SRGAP1: variants seen among roughly 807,000 people sequenced by gnomAD.
The protein encoded by SRGAP1 is SLIT-ROBO Rho GTPase-activating protein 1.
In SRGAP1, 43 loss-of-function variants were observed where a neutral mutation model predicts 121.9. The observed-to-expected ratio is 0.35, with a 90% CI of 0.28 to 0.46. The LOEUF is 0.46. SRGAP1 is among the 20% of genes least tolerant of loss of function. SRGAP1 has a pLI of 1.00. For synonymous variants in SRGAP1, 447 were observed against 485.4 expected (o/e 0.92, Z 1.04); for missense variants, 1,102 against 1,350.9 (o/e 0.82, Z 2.89).
chr12:64,142,432 G>A lies in SRGAP1; in HGVS notation c.3018G>A (p.Thr1006=), dbSNP rs138568906. 2.9e-5 allele frequency: 46 copies of A among 1,614,004 alleles called. No homozygotes were observed. In the East Asian group the frequency reaches 6.0e-4, roughly 21 times the overall value. The change falls in exon 22 of 22, where the codon ACG becomes ACA. Residue 1006 remains threonine, a synonymous_variant. Coordinates refer to ENST00000355086, the MANE Select transcript of SRGAP1 (RefSeq NM_020762.4). ...ACTCTCCCACCCCTGCCACTTCCAC[G>A]GAATCTCTCAGCCCTTTGCACAACG... is the stretch of plus-strand genomic sequence containing the variant. ...VKNSPTPATS[T]ESLSPLHNVA...
At chr12:64,081,515 A>G (rs2035840542) in intron 10 of SRGAP1, 1 of 152,164 alleles carries the variant, frequency 6.6e-6, no homozygotes, top group Non-Finnish European at 1.5e-5. Context: ...GTGTCATTAA[A>G]AAATAAAATA....
chr12:64,048,344 A>G (rs1445803383), intron 6 of SRGAP1, among the ~76,000 whole-genome samples: 1 of 152,046 alleles, frequency 6.6e-6, no homozygotes, highest in Non-Finnish European at 1.5e-5. Flanking sequence ...GTTCTTTTTC[A>G]TGGCCGAATA....
rs928473022 is a variant in SRGAP1 at position 63,936,095 on chromosome 12, T to C, written c.68-47852T>C. ...ATTTTCTTAAATGAATATTTATTACTAGTGTTATAATAACAGTTATTTTTT... is the reference window on the plus strand; with the variant it reads ...ATTTTCTTAAATGAATATTTATTACCAGTGTTATAATAACAGTTATTTTTT... On this transcript the variant is annotated intron_variant, in intron 1 of 21. Transcript: ENST00000355086. Among the ~76,000 whole-genome samples the C allele has an allele frequency of 2.6e-5, 4 of 151,868 alleles. No homozygotes were observed. The South Asian group carries it at 6.2e-4, about 24-fold the overall frequency.
chr12:64,078,764 T>A (rs1278172559), intron 8 of SRGAP1, among the ~76,000 whole-genome samples, 155 bp from the exon 9 acceptor site: 1 of 152,206 alleles, frequency 6.6e-6, no homozygotes, highest in East Asian at 1.9e-4. Context: ...ACTGGTGATA[T>A]GGAGTGTTTT....
intron 11 of SRGAP1, 86 bp downstream of exon 11, chr12:64,087,112 A>G: frequency 3.8e-6 from 4 of 1,057,042 alleles, no homozygotes; most frequent in Non-Finnish European, 4.2e-6. Context: ...AAGAATTAAC[A>G]TTTTGTTAAT....
intron 12 of SRGAP1, chr12:64,091,833 C>T (rs2136584673): frequency 3.0e-6 from 4 of 1,355,256 alleles, no homozygotes; most frequent in Non-Finnish European, 4.1e-6. Context: ...ATACCTTGTA[C>T]CTCTGCTGTG....
chr12:63,912,530 C>A (rs1394761202), intron 1 of SRGAP1, among the ~76,000 whole-genome samples: 1 of 151,954 alleles, frequency 6.6e-6, no homozygotes, highest in Non-Finnish European at 1.5e-5. Context: ...GGGAGGATGG[C>A]TTGAGCCCAG....
At chr12:64,046,447 G>T (rs1023203157) in intron 6 of SRGAP1, among the ~76,000 whole-genome samples, 2 of 152,150 alleles carry the variant, frequency 1.3e-5, no homozygotes, top group African/African-American at 4.8e-5. Flanking sequence ...CTTTGTGGTT[G>T]CCCAGGCTAA....
intron 1 of SRGAP1, among the ~76,000 whole-genome samples, chr12:63,929,575 G>GT (rs1217261573): frequency 0.049 from 6,649 of 137,058 alleles, 451 homozygotes; most frequent in African/African-American, 0.15. Flanking sequence ...GCCCCCACGA[G>GT]TTTTTTTTTT....
At chr12:63,859,212 T>C (rs978508660) in intron 1 of SRGAP1, among the ~76,000 whole-genome samples, 1 of 152,116 alleles carries the variant, frequency 6.6e-6, no homozygotes, top group African/African-American at 2.4e-5. Flanking sequence ...TACTCTGTCA[T>C]CCAGGCTGGC....
chr12:63,996,159 AAG>A (rs770219262), intron 3 of SRGAP1, among the ~76,000 whole-genome samples: 3 of 152,130 alleles, frequency 2.0e-5, no homozygotes, highest in Non-Finnish European at 2.9e-5. Context: ...TAAATATAAA[AAG>A]AAATAATAAT....
chr12:63,929,070 T>G (rs951992389), intron 1 of SRGAP1, among the ~76,000 whole-genome samples: 4 of 152,086 alleles, frequency 2.6e-5, no homozygotes, highest in Admixed American at 2.0e-4. Context: ...GGCCTGGGGG[T>G]TGGGGACCCC....
chr12:63,955,565 AAG>A (rs2032438972), intron 1 of SRGAP1, among the ~76,000 whole-genome samples: 1 of 152,202 alleles, frequency 6.6e-6, no homozygotes, highest in African/African-American at 2.4e-5. Flanking sequence ...ATGTAACTTT[AAG>A]AGAGACTCCA....
rs1184711599 is a variant in SRGAP1 at position 63,861,302 on chromosome 12, A to ATAT, written c.67+16420_67+16421insATT. 9.7e-3 allele frequency among the ~76,000 whole-genome samples: 1,290 copies of ATAT among 132,574 alleles called. 5 individuals carry two copies. The highest frequency in any genetic ancestry group is 0.02 in the Middle Eastern group (5 of 246). 87.0% of individuals were successfully genotyped at this position (132,574 alleles called of 152,430 possible). On this transcript the variant is annotated intron_variant, in intron 1 of 21. Coordinates refer to ENST00000355086, the MANE Select transcript of SRGAP1 (RefSeq NM_020762.4). ...GGATGGTAGGCATATATATATATAT[A>ATAT]TTTTTTTTTTTTTTTGAGGCAAAGT...
chr12:63,957,236 G>A (rs2032500231), intron 1 of SRGAP1, among the ~76,000 whole-genome samples: 3 of 152,206 alleles, frequency 2.0e-5, no homozygotes, highest in South Asian at 2.1e-4. Flanking sequence ...ATCACAGGCC[G>A]GGGTCCTCAC....
At chr12:64,005,309 T>G (rs2034047300) in intron 3 of SRGAP1, among the ~76,000 whole-genome samples, 1 of 152,148 alleles carries the variant, frequency 6.6e-6, no homozygotes, top group Non-Finnish European at 1.5e-5. Flanking sequence ...CATAGAACCA[T>G]AATTGGCTAA....
rs527828286 is a variant in SRGAP1, at chr12:64,149,709, G to A, written c.*7037G>A. 1.3e-5 allele frequency: 2 copies of A among 152,266 alleles called. No individual in the cohort carries two copies. The highest frequency in any genetic ancestry group is 4.1e-4 in the South Asian group (2 of 4,826). 9.4% of individuals were successfully genotyped at this position (152,266 alleles called of 1,614,324 possible). ...TGTTTGCTGGCTTCTGCCTTGAGTA[G>A]TTGGGACTCCTAAAAAGGAAAATTC... On this transcript the variant is annotated 3_prime_UTR_variant, in exon 22 of 22. Transcript: ENST00000355086.
At chr12:64,083,133 G>A (rs2035877146) in intron 10 of SRGAP1, among the ~76,000 whole-genome samples, 1 of 152,186 alleles carries the variant, frequency 6.6e-6, no homozygotes, top group Non-Finnish European at 1.5e-5. Flanking sequence ...GAGAGTTAAT[G>A]GCGCCCATCA....
chr12:63,988,165 T>C (rs2033466459), intron 2 of SRGAP1, among the ~76,000 whole-genome samples: 1 of 152,182 alleles, frequency 6.6e-6, no homozygotes, highest in Non-Finnish European at 1.5e-5. Flanking sequence ...AAGGCAATAA[T>C]AATTATTTAT....
Sources: gnomAD v4.1 joint callset for allele counts (sites outside exome capture counted in the v4.1 genomes callset) on GRCh38, gnomAD v4.1.1 for gene constraint, MANE v1.5 for transcripts, NCBI Gene and HGNC (gene_info 2026-07-23, HGNC 2026-07-21) for gene names.